The following NRCAM variants were observed in gnomAD, a reference collection of about 807,000 sequenced individuals.
NRCAM encodes NgCAM-related cell adhesion molecule.
A neutral mutation model predicts 156.5 loss-of-function variants in NRCAM; 83 were observed. The ratio of observed to expected loss-of-function variants is 0.53; its 90% CI spans 0.44 to 0.64. NRCAM has a LOEUF of 0.64. Among genes scored for constraint, NRCAM ranks in the 30% least tolerant of loss-of-function variants. NRCAM has a pLI of 0.00. For synonymous variants in NRCAM, 538 were observed against 563.9 expected (o/e 0.95, Z 0.65); for missense variants, 1,417 against 1,597.3 (o/e 0.89, Z 1.92).
At chr7:108,398,370 C>T (rs965025207) in intron 2 of NRCAM, among the ~76,000 whole-genome samples, 2 of 152,136 alleles carry the variant, frequency 1.3e-5, no homozygotes, top group Admixed American at 1.3e-4. Context: ...TGCTTCTAGC[C>T]AAATTCTAAT....
chr7:108,300,874 T>A lies in NRCAM; in HGVS notation c.-107+11791A>T, dbSNP rs904199312. Reference sequence around the variant, plus strand: ...AATAACAGAAAGCTTTTTAAAAAAATTACGTTTTTTTAAAGCTTTTCTTAA... The same window carrying A: ...AATAACAGAAAGCTTTTTAAAAAAAATACGTTTTTTTAAAGCTTTTCTTAA... On this transcript the variant is annotated intron_variant, in intron 3 of 32. Transcript: ENST00000379028. Among the ~76,000 whole-genome samples, 6 of 152,112 alleles carry A rather than the reference T, an allele frequency of 3.9e-5. No individual in the cohort carries two copies. The South Asian group carries it at 8.3e-4, about 21-fold the overall frequency.
chr7:108,199,587 C>T (rs777694395), intron 13 of NRCAM, among the ~76,000 whole-genome samples: 22 of 152,168 alleles, frequency 1.4e-4, no homozygotes, highest in Admixed American at 4.6e-4. Context: ...GGCCCATGGT[C>T]CTCTTCCTCC....
intron 1 of NRCAM, among the ~76,000 whole-genome samples, chr7:108,411,717 G>C (rs976359648): frequency 6.6e-6 from 1 of 152,054 alleles, no homozygotes; most frequent in Non-Finnish European, 1.5e-5. Flanking sequence ...ATTTTTAGTA[G>C]AGACGGGGTT....
In NRCAM at chr7:108,194,045, C is replaced by T. The variant is rs2073562969; in HGVS notation, c.1757G>A (p.Arg586Lys). 6.2e-7 allele frequency: 1 copy of T among 1,613,936 alleles called. No individual in the cohort carries two copies. The highest frequency in any genetic ancestry group is 1.3e-5 in the African/African-American group (1 of 74,922). Residue 586 changes from arginine to lysine, a missense_variant, in exon 17 of 33, where the codon AGG (arginine) becomes AAG (lysine). By Grantham distance (26) the Arg-to-Lys change is conservative. Coordinates refer to ENST00000379028, the MANE Select transcript of NRCAM (RefSeq NM_001037132.4). ...SLTVLWLKDN[R>K]ELPSDERFTV... ...ATACCTTTCATCACTGGGCAGTTCC[C>T]TGTTGTCCTTCAGCCACAGGACAGT...
At chr7:108,405,218 C>T (rs1563658380) in intron 1 of NRCAM, among the ~76,000 whole-genome samples, 2 of 152,050 alleles carry the variant, frequency 1.3e-5, no homozygotes, top group African/African-American at 4.8e-5. Context: ...CAGTGGACAC[C>T]CAGGAAGTTT....
chr7:108,437,491 C>T (rs1478746633), intron 1 of NRCAM, among the ~76,000 whole-genome samples: 1 of 152,112 alleles, frequency 6.6e-6, no homozygotes, highest in Non-Finnish European at 1.5e-5. Context: ...TTCCATTTTT[C>T]ATGATAAGAT....
intron 3 of NRCAM, among the ~76,000 whole-genome samples, chr7:108,258,198 A>G (rs1562986360): frequency 6.6e-6 from 1 of 152,164 alleles, no homozygotes; most frequent in East Asian, 1.9e-4. Flanking sequence ...GGGCCGAAAC[A>G]TGCTCCAGGT....
intron 2 of NRCAM, among the ~76,000 whole-genome samples, chr7:108,344,231 GACTGCA>G (rs1239522276): frequency 6.6e-6 from 1 of 152,174 alleles, no homozygotes; most frequent in Non-Finnish European, 1.5e-5. Context: ...CTGGGAAGGT[GACTGCA>G]ACCACCTTTA....
chr7:108,291,956 A>G (rs1396119797), intron 3 of NRCAM, among the ~76,000 whole-genome samples: 1 of 152,194 alleles, frequency 6.6e-6, no homozygotes, highest in Non-Finnish European at 1.5e-5. Context: ...CAAGCAGTTA[A>G]AGCTAAAGAA....
intron 3 of NRCAM, among the ~76,000 whole-genome samples, chr7:108,240,827 A>G (rs573156580): frequency 2.0e-4 from 31 of 152,298 alleles, no homozygotes; most frequent in African/African-American, 6.5e-4. Context: ...TCTTTAAACA[A>G]GTACTTAAAA....
chr7:108,218,682 A>G (rs2090810453), intron 11 of NRCAM, among the ~76,000 whole-genome samples: 1 of 152,190 alleles, frequency 6.6e-6, no homozygotes. Context: ...GACACAACCT[A>G]TCAAAACCTC....
intron 20 of NRCAM, among the ~76,000 whole-genome samples, chr7:108,185,770 G>A (rs1191919644): frequency 2.7e-5 from 4 of 148,776 alleles, no homozygotes; most frequent in East Asian, 4.0e-4. Flanking sequence ...TGTTCCATAC[G>A]TACTGAAATG....
At chr7:108,368,909 T>C (rs1280784057) in intron 2 of NRCAM, among the ~76,000 whole-genome samples, 2 of 152,162 alleles carry the variant, frequency 1.3e-5, no homozygotes, top group Non-Finnish European at 2.9e-5. Context: ...GTGTAGGAAA[T>C]GCTGTAAATC....
chr7:108,397,679 T>C (rs1036801467), intron 2 of NRCAM, among the ~76,000 whole-genome samples: 9 of 152,216 alleles, frequency 5.9e-5, no homozygotes, highest in African/African-American at 1.4e-4. Flanking sequence ...AAAATCATGA[T>C]TGATACTGAA....
chr7:108,404,172 C>T (rs1032068697), intron 1 of NRCAM, among the ~76,000 whole-genome samples: 7 of 152,140 alleles, frequency 4.6e-5, no homozygotes, highest in African/African-American at 7.2e-5. Flanking sequence ...GCCCGATGCA[C>T]GAGCCTATTA....
intron 2 of NRCAM, among the ~76,000 whole-genome samples, chr7:108,355,974 C>T (rs2099492407): frequency 6.7e-6 from 1 of 149,388 alleles, no homozygotes; most frequent in African/African-American, 2.5e-5. Flanking sequence ...TGGAGTCTCG[C>T]TCTGTTGCCC....
intron 28 of NRCAM, among the ~76,000 whole-genome samples, chr7:108,172,409 C>T (rs2058802302): frequency 6.6e-6 from 1 of 152,074 alleles, no homozygotes; most frequent in Admixed American, 6.5e-5. Flanking sequence ...AATTCTCCTG[C>T]CTCCGCCTCC....
intron 13 of NRCAM, among the ~76,000 whole-genome samples, chr7:108,199,244 TAAAA>T (rs11339268): frequency 1.3e-5 from 2 of 151,742 alleles, no homozygotes; most frequent in African/African-American, 4.8e-5. Flanking sequence ...ACTTTTAAAA[TAAAA>T]AAAAATTTGT....
intron 3 of NRCAM, among the ~76,000 whole-genome samples, chr7:108,252,503 T>C (rs2096408181): frequency 6.6e-6 from 1 of 152,260 alleles, no homozygotes; most frequent in Non-Finnish European, 1.5e-5. Flanking sequence ...GAATGTATTC[T>C]ATTCTATTCA....
Sources: allele counts gnomAD v4.1 joint callset (sites outside exome capture counted in the v4.1 genomes callset), GRCh38; gene constraint gnomAD v4.1.1; transcripts MANE v1.5; gene names NCBI Gene and HGNC (gene_info 2026-07-23, HGNC 2026-07-21).